Variants in NEBL observed in about 807,000 individuals in gnomAD.
NEBL encodes the protein LIM and SH3 protein 2.
A neutral mutation model predicts 140.2 loss-of-function variants in NEBL; 122 were observed. The ratio of observed to expected loss-of-function variants is 0.87; its 90% confidence interval spans 0.75 to 1.01. The LOEUF (loss-of-function observed/expected upper bound fraction) is 1.01. NEBL is among the 50% of genes least tolerant of loss of function. NEBL has a pLI of 0.00. For missense variants in NEBL, 1,365 were observed against 1,231.3 expected, an observed-to-expected ratio of 1.11 and a Z score of -1.62; for synonymous variants, 436 against 398.9, an observed-to-expected ratio of 1.09 and a Z score of -1.11.
intron 26 of NEBL, among the ~76,000 whole-genome samples, chr10:20,799,323 T>C (rs1836872269): frequency 6.6e-6 from 1 of 152,064 alleles, no homozygotes; most frequent in South Asian, 2.1e-4. Flanking sequence ...ACTCAGCTCA[T>C]TTTTGTATTT....
chr10:20,782,237 T>G lies in NEBL; in HGVS notation c.*3510A>C, dbSNP rs1482387496. On this transcript the variant is annotated 3_prime_UTR_variant, in exon 28 of 28. Transcript: ENST00000377122. ...TATTACTATAGAATAGGCAGCAACTTGCTTGCTTGGTTTTCTTTCCAAGAG... is the reference window on the plus strand; with the variant it reads ...TATTACTATAGAATAGGCAGCAACTGGCTTGCTTGGTTTTCTTTCCAAGAG... The G allele has an allele frequency of 1.3e-5, 2 of 152,514 alleles. No individual in the cohort carries two copies. Among genetic ancestry groups the G allele is most frequent in the Non-Finnish European group, 2.9e-5 (2 of 68,016 alleles). The allele number at this position is 152,514 out of a possible 1,614,324, so 9.4% of individuals were successfully genotyped here. A position where few individuals can be genotyped will look rare whatever the true frequency, so the allele number is the denominator to read the frequency against.
intron 2 of NEBL, among the ~76,000 whole-genome samples, chr10:21,121,098 T>C (rs1458187281): frequency 6.6e-6 from 1 of 152,130 alleles, no homozygotes; most frequent in Non-Finnish European, 1.5e-5. Flanking sequence ...AATTCTAAAG[T>C]ATGTTTGGCC....
At chr10:20,934,264 C>T (rs781376235) in intron 4 of NEBL, among the ~76,000 whole-genome samples, 3 of 152,142 alleles carry the variant, frequency 2.0e-5, no homozygotes, top group South Asian at 2.1e-4. Flanking sequence ...AACTCAAATT[C>T]GGCTGTCATG....
intron 1 of NEBL, among the ~76,000 whole-genome samples, chr10:21,291,106 A>G (rs1034560185): frequency 1.1e-4 from 17 of 152,032 alleles, no homozygotes; most frequent in African/African-American, 3.4e-4. Flanking sequence ...TAATTCCTCT[A>G]AATAATCAGT....
intron 7 of NEBL, among the ~76,000 whole-genome samples, chr10:20,867,013 T>A (rs1394157551): frequency 6.6e-6 from 1 of 152,106 alleles, no homozygotes; most frequent in South Asian, 2.1e-4. Context: ...ACACTATAGA[T>A]CTTATATTTA....
chr10:21,091,524 A>AG (rs11400880), intron 2 of NEBL, among the ~76,000 whole-genome samples: 78,397 of 152,104 alleles, frequency 0.52, 24,363 homozygotes, highest in African/African-American at 0.87. Context: ...ATTAGCTATC[A>AG]GTACCTCAAG....
At chr10:21,199,936 G>C (rs1163579284) in intron 3 of NEBL, among the ~76,000 whole-genome samples, 1 of 144,692 alleles carries the variant, frequency 6.9e-6, no homozygotes, top group Non-Finnish European at 1.6e-5. Flanking sequence ...GGGAGAGACT[G>C]TACACTGTTG....
intron 2 of NEBL, among the ~76,000 whole-genome samples, chr10:21,140,197 A>T (rs1286291551): frequency 2.0e-5 from 3 of 152,042 alleles, no homozygotes; most frequent in Non-Finnish European, 4.4e-5. Flanking sequence ...TATAAGGTGT[A>T]TGGAATGGTT....
chr10:21,115,713 T>A (rs891867587), intron 2 of NEBL, among the ~76,000 whole-genome samples: 2 of 152,118 alleles, frequency 1.3e-5, no homozygotes, highest in African/African-American at 2.4e-5. Flanking sequence ...TAACTGGAGC[T>A]TATTGAAATT....
chr10:20,877,591 A>C (rs142551783), intron 5 of NEBL, among the ~76,000 whole-genome samples: 4 of 152,306 alleles, frequency 2.6e-5, no homozygotes, highest in East Asian at 1.9e-4. Context: ...ACAATAGGAA[A>C]AGGCTGCCTG....
chr10:20,948,659 G>C (rs907965485), intron 4 of NEBL, among the ~76,000 whole-genome samples: 46 of 152,200 alleles, frequency 3.0e-4, no homozygotes, highest in African/African-American at 1.1e-3. Flanking sequence ...CACAGCAGTT[G>C]TTAAATTCAT....
intron 2 of NEBL, among the ~76,000 whole-genome samples, chr10:21,164,253 GA>G (rs1840670811): frequency 6.6e-6 from 1 of 152,202 alleles, no homozygotes. Context: ...TATAAGAACT[GA>G]AACAGAACAG....
intron 3 of NEBL, among the ~76,000 whole-genome samples, chr10:21,232,368 G>A (rs113368168): frequency 0.013 from 1,996 of 152,202 alleles, 26 homozygotes; most frequent in South Asian, 0.058. Context: ...ACCAAGGGTC[G>A]GTCGGGGGGT....
intron 4 of NEBL, among the ~76,000 whole-genome samples, chr10:20,929,683 T>C (rs190913654): frequency 1.2e-3 from 159 of 135,904 alleles, no homozygotes; most frequent in Middle Eastern, 8.4e-3. Context: ...CATTTACAAG[T>C]GGGAGCTAAA....
At chr10:20,880,228 GT>G (rs1588922432) in intron 5 of NEBL, among the ~76,000 whole-genome samples, 1 of 152,126 alleles carries the variant, frequency 6.6e-6, no homozygotes, top group Non-Finnish European at 1.5e-5. Flanking sequence ...CGGTGTGGTG[GT>G]GGGCACCTGT....
At chr10:21,133,526 T>C (rs1391931331) in intron 2 of NEBL, among the ~76,000 whole-genome samples, 4 of 152,122 alleles carry the variant, frequency 2.6e-5, no homozygotes, top group Non-Finnish European at 2.9e-5. Context: ...CTCTTTTCTG[T>C]GTATCAGATC....
chr10:21,091,383 G>C (rs1356440163), intron 2 of NEBL, among the ~76,000 whole-genome samples: 1 of 152,032 alleles, frequency 6.6e-6, no homozygotes, highest in East Asian at 1.9e-4. Context: ...AAATAAAAAA[G>C]AATAAAGCAT....
chr10:20,811,115 T>C (rs1352479291), intron 24 of NEBL, among the ~76,000 whole-genome samples: 1 of 152,224 alleles, frequency 6.6e-6, no homozygotes, highest in Non-Finnish European at 1.5e-5. Flanking sequence ...TGGCCAATTA[T>C]GGAAATTTCA....
chr10:21,143,787 A>C (rs1279152761), intron 2 of NEBL, among the ~76,000 whole-genome samples: 1 of 152,090 alleles, frequency 6.6e-6, no homozygotes, highest in Non-Finnish European at 1.5e-5. Flanking sequence ...ACGAACAAAT[A>C]AATACATCTA....
Sources: gnomAD v4.1 joint callset for allele counts (sites outside exome capture counted in the v4.1 genomes callset) on GRCh38, gnomAD v4.1.1 for gene constraint, MANE v1.5 for transcripts, NCBI Gene and HGNC (gene_info 2026-07-23, HGNC 2026-07-21) for gene names.